PDE4D: variants seen among roughly 807,000 people sequenced by gnomAD.
The protein encoded by PDE4D is phosphodiesterase 4D.
PDE4D carries 24 observed loss-of-function variants against 87.4 expected under a neutral mutation model. The observed-to-expected ratio is 0.27, with a 90% CI of 0.20 to 0.39. PDE4D has a LOEUF of 0.39. PDE4D is among the 10% of genes least tolerant of loss of function. The pLI is 1.00. For missense variants in PDE4D, 714 were observed against 1,041.0 expected, an observed-to-expected ratio of 0.69 and a Z score of 4.32; for synonymous variants, 384 against 383.2, an observed-to-expected ratio of 1.00 and a Z score of -0.02.
At chr5:59,026,874 A>C (rs1756351150) in intron 6 of PDE4D, among the ~76,000 whole-genome samples, 1 of 152,208 alleles carries the variant, frequency 6.6e-6, no homozygotes, top group Non-Finnish European at 1.5e-5. Flanking sequence ...TATACTCTAC[A>C]CTGTTTCCCA....
At chr5:60,503,789 T>A (rs1750205084) in intron 1 of PDE4D, among the ~76,000 whole-genome samples, 1 of 152,172 alleles carries the variant, frequency 6.6e-6, no homozygotes, top group Admixed American at 6.6e-5. Flanking sequence ...TAACTTTTTT[T>A]AAAATCTGGA....
At chr5:59,917,055 C>T (rs527712527) in intron 3 of PDE4D, among the ~76,000 whole-genome samples, 21 of 147,968 alleles carry the variant, frequency 1.4e-4, no homozygotes, top group African/African-American at 5.3e-4. Context: ...CCATCTGCCT[C>T]GGGCTCCCAA....
intron 1 of PDE4D, among the ~76,000 whole-genome samples, chr5:59,499,271 G>A (rs371059666): frequency 4.0e-5 from 6 of 150,522 alleles, no homozygotes; most frequent in Admixed American, 6.6e-5. Flanking sequence ...CAATGGCAGC[G>A]TTAAGAGGAA....
intron 1 of PDE4D, among the ~76,000 whole-genome samples, chr5:59,376,259 T>C (rs1202258374): frequency 1.3e-5 from 2 of 152,152 alleles, no homozygotes; most frequent in Non-Finnish European, 2.9e-5. Flanking sequence ...AGTTTGCAGA[T>C]TACACGATCC....
chr5:59,540,706 A>T (rs1003787438), intron 1 of PDE4D, among the ~76,000 whole-genome samples: 6 of 152,172 alleles, frequency 3.9e-5, no homozygotes, highest in South Asian at 4.1e-4. Flanking sequence ...ATCCTGTCAC[A>T]TCCTCCCCCA....
chr5:59,885,536 C>A (rs754473309), intron 1 of PDE4D, among the ~76,000 whole-genome samples: 25 of 152,146 alleles, frequency 1.6e-4, no homozygotes, highest in Non-Finnish European at 2.8e-4. Context: ...AACACAGTGC[C>A]TTAAATTTTG....
At chr5:59,629,565 C>T (rs1471897297) in intron 1 of PDE4D, among the ~76,000 whole-genome samples, 6 of 152,132 alleles carry the variant, frequency 3.9e-5, no homozygotes, top group Non-Finnish European at 5.9e-5. Flanking sequence ...TTCCTCACAG[C>T]CCTCGGAAAG....
intron 1 of PDE4D, among the ~76,000 whole-genome samples, chr5:59,682,013 C>T (rs1293273975): frequency 1.3e-5 from 2 of 152,026 alleles, no homozygotes; most frequent in Non-Finnish European, 2.9e-5. Flanking sequence ...CAGATGCAGC[C>T]CCTTGATCCT....
chr5:59,929,478 T>A (rs904022231), intron 3 of PDE4D, among the ~76,000 whole-genome samples: 1 of 152,076 alleles, frequency 6.6e-6, no homozygotes, highest in African/African-American at 2.4e-5. Context: ...TTTGAGTTAT[T>A]TAAGGATGTG....
chr5:59,892,888 C>G (rs1751160869), intron 1 of PDE4D, among the ~76,000 whole-genome samples: 1 of 133,904 alleles, frequency 7.5e-6, no homozygotes, highest in Admixed American at 8.0e-5. Flanking sequence ...AACTGGGAAG[C>G]GCGCGCACCA....
intron 2 of PDE4D, among the ~76,000 whole-genome samples, chr5:60,123,882 ATAAAT>A (rs1778906407): frequency 6.6e-6 from 1 of 152,222 alleles, no homozygotes; most frequent in Non-Finnish European, 1.5e-5. Context: ...AAAATTCCAA[ATAAAT>A]TAAACAATTA....
chr5:59,281,977 C>T (rs1765879453), intron 1 of PDE4D, among the ~76,000 whole-genome samples: 1 of 152,206 alleles, frequency 6.6e-6, no homozygotes, highest in Admixed American at 6.5e-5. Flanking sequence ...TCAAAGTATT[C>T]ACTTGACTTT....
At chr5:60,075,343 T>C (rs1397365124) in intron 2 of PDE4D, among the ~76,000 whole-genome samples, 1 of 152,220 alleles carries the variant, frequency 6.6e-6, no homozygotes, top group African/African-American at 2.4e-5. Context: ...AGTCCCCCAA[T>C]CTCTCTGGCT....
At chr5:60,065,270 C>CGT (rs10606448) in intron 2 of PDE4D, among the ~76,000 whole-genome samples, 314 of 148,826 alleles carry the variant, frequency 2.1e-3, no homozygotes, top group Middle Eastern at 3.5e-3. Context: ...GTGTGTGTGT[C>CGT]GTGTGTGTGT....
At chr5:59,357,283 G>A (rs1200081618) in intron 1 of PDE4D, among the ~76,000 whole-genome samples, 1 of 152,082 alleles carries the variant, frequency 6.6e-6, no homozygotes, top group Non-Finnish European at 1.5e-5. Context: ...AACCCACAGG[G>A]CTTCGTTAAA....
At chr5:60,458,536 A>T (rs556349765) in intron 1 of PDE4D, among the ~76,000 whole-genome samples, 43 of 152,246 alleles carry the variant, frequency 2.8e-4, no homozygotes, top group Middle Eastern at 3.4e-3. Context: ...TTTTTTCAAG[A>T]CATAAGTCAG....
At chr5:59,730,496 A>G (rs888971557) in intron 1 of PDE4D, among the ~76,000 whole-genome samples, 4 of 152,174 alleles carry the variant, frequency 2.6e-5, no homozygotes, top group African/African-American at 9.6e-5. Flanking sequence ...TGCACGGAAT[A>G]GTGGAGAGTA....
intron 2 of PDE4D, among the ~76,000 whole-genome samples, chr5:60,064,665 C>T (rs185391564): frequency 1.9e-3 from 285 of 152,192 alleles, no homozygotes; most frequent in Non-Finnish European, 3.6e-3. Context: ...TGTTGAGATG[C>T]GGTCTCCTAA....
At chr5:59,823,941 C>T (rs1193196576) in intron 1 of PDE4D, among the ~76,000 whole-genome samples, 1 of 151,358 alleles carries the variant, frequency 6.6e-6, no homozygotes, top group African/African-American at 2.4e-5. Flanking sequence ...CCTCCTTTGG[C>T]TGGTTGATTT....
Sources: gnomAD v4.1 joint callset for allele counts (sites outside exome capture counted in the v4.1 genomes callset) on GRCh38, gnomAD v4.1.1 for gene constraint, MANE v1.5 for transcripts, NCBI Gene and HGNC (gene_info 2026-07-23, HGNC 2026-07-21) for gene names.